Variants in LRP4 observed in about 807,000 individuals in gnomAD.
LRP4 encodes LDL receptor related protein 4.
In LRP4, 95 loss-of-function variants were observed where a neutral mutation model predicts 220.3. That is an observed-to-expected ratio of 0.43 (90% CI 0.37 to 0.51). LRP4 has a LOEUF of 0.51. LRP4 is among the 20% of genes least tolerant of loss of function. The pLI, the probability that LRP4 is intolerant of heterozygous loss-of-function variation, is 0.00. For missense variants in LRP4, 1,925 were observed against 2,567.0 expected, an observed-to-expected ratio of 0.75 and a Z score of 5.40; for synonymous variants, 903 against 954.6, an observed-to-expected ratio of 0.95 and a Z score of 1.00.
At chr11:46,905,024 G>A (rs1464358088) in intron 1 of LRP4, among the ~76,000 whole-genome samples, 1 of 142,814 alleles carries the variant, frequency 7.0e-6, no homozygotes, top group African/African-American at 2.5e-5. Context: ...TCCTGCGGAA[G>A]CCAAGTGAGG....
intron 12 of LRP4, among the ~76,000 whole-genome samples, chr11:46,893,578 C>T (rs910178439): frequency 6.6e-6 from 1 of 152,150 alleles, no homozygotes; most frequent in African/African-American, 2.4e-5. Flanking sequence ...CTGAGATTGA[C>T]AAGTGAGCTG....
At chr11:46,874,766 C>G in intron 28 of LRP4, 34 bp downstream of exon 28, 1 of 1,600,988 alleles carries the variant, frequency 6.2e-7, no homozygotes. Context: ...AGAAGCAAAT[C>G]TGTGTCTTCT....
intron 25 of LRP4, 149 bp downstream of exon 25, chr11:46,876,317 G>T: frequency 2.3e-6 from 2 of 865,140 alleles, no homozygotes; most frequent in Non-Finnish European, 3.8e-6. Flanking sequence ...CTGTCACCCT[G>T]CGAGAAGTCA....
chr11:46,905,381 TC>T (rs1941743286), intron 1 of LRP4, among the ~76,000 whole-genome samples: 1 of 152,128 alleles, frequency 6.6e-6, no homozygotes, highest in Non-Finnish European at 1.5e-5. Context: ...GGTACACAGA[TC>T]CCCTTCATGG....
chr11:46,881,058 CAAAAAA>C (rs60125188), intron 20 of LRP4, among the ~76,000 whole-genome samples: 4 of 56,106 alleles, frequency 7.1e-5, no homozygotes, highest in Non-Finnish European at 1.2e-4. Flanking sequence ...TCTAAAAAAC[CAAAAAA>C]AAAAAAAAAA....
chr11:46,878,864 C>T (rs1565785516), intron 22 of LRP4, 43 bp downstream of exon 22: 1 of 1,613,034 alleles, frequency 6.2e-7, no homozygotes, highest in Non-Finnish European at 8.5e-7. Context: ...CCATTGCCCC[C>T]TCCCAGAGAG....
intron 7 of LRP4, among the ~76,000 whole-genome samples, chr11:46,898,208 CTT>C (rs1256012126): frequency 7.2e-5 from 11 of 152,206 alleles, no homozygotes; most frequent in Non-Finnish European, 1.3e-4. Context: ...CCCGGATTGT[CTT>C]GTTTTTTGAG....
At chr11:46,904,061 G>T (rs1486528594) in intron 1 of LRP4, among the ~76,000 whole-genome samples, 1 of 152,212 alleles carries the variant, frequency 6.6e-6, no homozygotes, top group East Asian at 1.9e-4. Context: ...GGTTCTGCCA[G>T]GGTCACTCTC....
chr11:46,895,400 T>C (rs1420139048), intron 10 of LRP4, 109 bp from the exon 11 acceptor site: 10 of 1,444,818 alleles, frequency 6.9e-6, no homozygotes, highest in South Asian at 1.1e-5. Flanking sequence ...TTTCCAGGCC[T>C]AGTGGGAAGG....
At chr11:46,900,128 G>A in intron 3 of LRP4, 134 bp downstream of exon 3, 3 of 956,628 alleles carry the variant, frequency 3.1e-6, no homozygotes, top group South Asian at 1.3e-5. Flanking sequence ...ATCTGACTTC[G>A]AGAGGAAGTG....
rs1941640298 is a variant in LRP4 at position 46,900,283 on chromosome 11, C to G, written c.295G>C (p.Asp99His). ...TCACGACAGTCCTGCTCATCCGAGT[C>G]ATCCTCACAGTCGTTGTCCCCGTCA... ...VCDGDNDCED[D>H]SDEQDCPPRE... The change falls in exon 3 of 38, where the codon GAC becomes CAC. Residue 99 changes from aspartate (D) to histidine (H), a missense_variant. By Grantham distance (81) the Asp-to-His change is moderately conservative (BLOSUM62 -1). Transcript: ENST00000378623. 1 of 1,613,994 alleles carries G rather than the reference C, an allele frequency of 6.2e-7. No individual in the cohort carries two copies. Among genetic ancestry groups the G allele is most frequent in the South Asian group, 1.1e-5 (1 of 91,076 alleles).
intron 13 of LRP4, among the ~76,000 whole-genome samples, chr11:46,891,276 G>C (rs1269127355): frequency 2.0e-5 from 3 of 152,012 alleles, no homozygotes; most frequent in Non-Finnish European, 4.4e-5. Flanking sequence ...ACCATGCCCA[G>C]CTAATTTTTG....
At chr11:46,896,445 A>T in intron 8 of LRP4, 110 bp from the exon 9 acceptor site, 5 of 1,372,536 alleles carry the variant, frequency 3.6e-6, no homozygotes, top group Non-Finnish European at 5.1e-6. Flanking sequence ...TCAAGGTGGG[A>T]GGGTGAGGGT....
At position 46,879,868 on chromosome 11, in the gene LRP4, G is replaced by A. The variant is rs753217474; in HGVS notation, c.2815-553C>T. On this transcript the variant is annotated intron_variant, in intron 20 of 37. Coordinates refer to ENST00000378623, the MANE Select transcript of LRP4 (RefSeq NM_002334.4). ...AAAATGCAAATGTCCACTTTGGGAG[G>A]TCCAGGTGGGCAGATCACCTGAGGT... Among the ~76,000 whole-genome samples, 44 of 152,330 alleles carry A rather than the reference G, an allele frequency of 2.9e-4. No individual in the cohort carries two copies. The Middle Eastern group carries it at 0.014, about 47-fold the overall frequency.
At chr11:46,878,714 T>C (rs977480042) in intron 22 of LRP4, among the ~76,000 whole-genome samples, 193 bp downstream of exon 22, 19 of 152,170 alleles carry the variant, frequency 1.2e-4, no homozygotes, top group African/African-American at 4.3e-4. Context: ...CTCCAGTCCT[T>C]TCTACTTGCT....
At chr11:46,860,232 TA>T (rs1157208799) in intron 37 of LRP4, among the ~76,000 whole-genome samples, 547 of 125,112 alleles carry the variant, frequency 4.4e-3, no homozygotes, top group Admixed American at 4.4e-3. Context: ...AAGATTCCAT[TA>T]AAAAAAAAAA....
rs1941632413 is a variant in LRP4, at chr11:46,899,998, G to A, written c.317-22C>T. On this transcript the variant is annotated intron_variant, in intron 3 of 37. Transcript: ENST00000378623. This position sits in a 1 kb window ranked among gnomAD's most constrained non-coding sequence, Gnocchi z 5.9. ...GGGGCTGTGGGCACAGAGCAGTCAG[G>A]CTGCTGCAGGCAGTGGGGGTCTGGT... The A allele has an allele frequency of 1.9e-6, 3 of 1,577,688 alleles. No homozygotes were observed. The highest frequency in any genetic ancestry group is 2.7e-5 in the African/African-American group (2 of 74,190).
At chr11:46,895,829 G>T (rs927068763) in intron 10 of LRP4, 55 bp downstream of exon 10, 54 of 1,602,948 alleles carry the variant, frequency 3.4e-5, no homozygotes, top group Non-Finnish European at 4.2e-5. Flanking sequence ...ACAGCTGCCT[G>T]TCTGCTGCCC....
rs372601314 is a variant in LRP4 at position 46,876,481 on chromosome 11, A to G, written c.3521T>C (p.Leu1174Pro). 6.2e-7 allele frequency: 1 copy of G among 1,614,200 alleles called. No homozygotes were observed. Among genetic ancestry groups the G allele is most frequent in the Non-Finnish European group, 8.5e-7 (1 of 1,180,030 alleles). ...QNLDSPRAIV[L>P]YHEMGFMYWT... The stretch of plus-strand genomic sequence containing the variant: ...CAGCTCTCACCCCATCTCATGGTAC[A>G]GTACGATGGCCCGGGGACTGTCAAG... The change falls in exon 25 of 38, where the codon CTG (leucine) becomes CCG (proline). Residue 1174 changes from leucine (L) to proline (P), a missense_variant. By Grantham distance (98) the Leu-to-Pro change is moderately conservative (BLOSUM62 -3). This residue lies in a region of LRP4 where 1,244 missense variants were observed against 1,624.9 expected (regional missense o/e 0.77). Transcript: ENST00000378623.
Sources: allele counts gnomAD v4.1 joint callset (sites outside exome capture counted in the v4.1 genomes callset), GRCh38; gene constraint gnomAD v4.1.1; regional missense constraint gnomAD v4.1.1; non-coding constraint Gnocchi (gnomAD v3.1); transcripts MANE v1.5; gene names NCBI Gene and HGNC (gene_info 2026-07-23, HGNC 2026-07-21).